The following TUBB8 variants were observed in gnomAD, a reference collection of about 807,000 sequenced individuals.
TUBB8 encodes the protein tubulin beta 8 class VIII, also known as tubulin beta-8 chain.
Under a neutral mutation model 33.7 loss-of-function variants are expected in TUBB8, and 25 were observed. The ratio of observed to expected loss-of-function variants is 0.74; its 90% CI spans 0.54 to 1.04. TUBB8 has a LOEUF of 1.04. TUBB8 is among the 50% of genes least tolerant of loss of function. The pLI is 0.00. For synonymous variants in TUBB8, 245 were observed against 240.1 expected, an observed-to-expected ratio of 1.02 and a Z score of -0.19; for missense variants, 279 against 608.0, an observed-to-expected ratio of 0.46 and a Z score of 5.69.
intron 1 of TUBB8, among the ~76,000 whole-genome samples, chr10:55,785 A>AT (rs1204034391): frequency 6.6e-6 from 1 of 152,272 alleles, no homozygotes; most frequent in Admixed American, 6.5e-5. Flanking sequence ...TTTGTTCAAA[A>AT]TAAGTTTAGT....
upstream of TUBB8, among the ~76,000 whole-genome samples, chr10:75,185 A>ATTT (rs111910470): frequency 1.4e-5 from 2 of 147,816 alleles, no homozygotes; most frequent in African/African-American, 5.0e-5. Context: ...GCCCAGCCAA[A>ATTT]TTTTTTTTTT....
chr10:68,734 A>C (rs2130950417), intron 1 of TUBB8, among the ~76,000 whole-genome samples: 1 of 152,334 alleles, frequency 6.6e-6, no homozygotes, highest in East Asian at 1.9e-4. Context: ...TTACCAAAGC[A>C]AAGACGGCCT....
At chr10:69,893 C>T (rs1390346552) in intron 1 of TUBB8, among the ~76,000 whole-genome samples, 1 of 152,330 alleles carries the variant, frequency 6.6e-6, no homozygotes, top group South Asian at 2.1e-4. Flanking sequence ...CCTAAAAACA[C>T]TCTCCTCCTG....
chr10:62,270 G>A (rs1270307327), intron 1 of TUBB8, among the ~76,000 whole-genome samples: 1 of 152,090 alleles, frequency 6.6e-6, no homozygotes, highest in Non-Finnish European at 1.5e-5. Context: ...TATGCTTTTT[G>A]ATTTAAAATT....
At chr10:63,355 C>T (rs566987733) in intron 1 of TUBB8, among the ~76,000 whole-genome samples, 19,382 of 120,254 alleles carry the variant, frequency 0.16, no homozygotes, top group African/African-American at 0.3. Context: ...GGATTACAGG[C>T]GTGAGCCACT....
chr10:58,987 A>AT (rs1834565851), intron 1 of TUBB8, among the ~76,000 whole-genome samples: 1 of 152,132 alleles, frequency 6.6e-6, no homozygotes, highest in African/African-American at 2.4e-5. Context: ...AAAAGTGGAT[A>AT]TTCTTGTCAT....
upstream of TUBB8, among the ~76,000 whole-genome samples, chr10:75,537 C>T (rs1316130831): frequency 6.7e-6 from 1 of 150,282 alleles, no homozygotes; most frequent in Non-Finnish European, 1.5e-5. Flanking sequence ...CGCCTGTAAT[C>T]GTAGCTACTC....
At chr10:51,679 G>A (rs527394750), upstream of TUBB8, among the ~76,000 whole-genome samples, 69 of 152,312 alleles carry the variant, frequency 4.5e-4, no homozygotes, top group African/African-American at 1.4e-3. Flanking sequence ...TTTAAGGGTT[G>A]TGTCTGGAGG....
intron 1 of TUBB8, among the ~76,000 whole-genome samples, chr10:63,218 T>C (rs12263702): frequency 0.1 from 11,023 of 109,284 alleles, no homozygotes; most frequent in African/African-American, 0.22. Context: ...GGACTACAGG[T>C]ACCCACCACC....
Position 47,317 on chromosome 10 carries a change from G to C in TUBB8, c.1075C>G (p.Arg359Gly). The change falls in exon 4 of 4, where the codon CGG becomes GGG. Residue 359 changes from arginine to glycine, a missense_variant. Physicochemically the swap from Arg to Gly is moderately radical, Grantham distance 125. This residue lies in a region of TUBB8 where 123 missense variants were observed against 228.9 expected (regional missense o/e 0.54). Transcript: ENST00000568584. Reference protein sequence around the residue: ...VKTAVCDIPPRGLKMSATFIG... With the variant: ...VKTAVCDIPPGGLKMSATFIG... Reference sequence around the variant, plus strand: ...AAGGTGGCTGACATTTTTAGCCCCCGGGGTGGGATGTCACAGACGGCTGTT... The same window carrying C: ...AAGGTGGCTGACATTTTTAGCCCCCCGGGTGGGATGTCACAGACGGCTGTT... The C allele has an allele frequency of 1.2e-6, 2 of 1,604,696 alleles. No individual in the cohort carries two copies. Among genetic ancestry groups the C allele is most frequent in the Non-Finnish European group, 1.7e-6 (2 of 1,178,734 alleles).
Position 46,929 on chromosome 10 carries a change from A to AT in TUBB8, c.*127dup. 1.7e-6 allele frequency: 1 copy of AT among 587,954 alleles called. No homozygotes were observed. The highest frequency in any genetic ancestry group is 3.0e-6 in the Non-Finnish European group (1 of 334,058). 36.4% of individuals were successfully genotyped at this position (587,954 alleles called of 1,614,324 possible). A position where few individuals can be genotyped will look rare whatever the true frequency, so the allele number is the denominator to read the frequency against. On this transcript the variant is annotated 3_prime_UTR_variant, in exon 4 of 4. Coordinates refer to ENST00000568584, the MANE Select transcript of TUBB8 (RefSeq NM_177987.3). The stretch of plus-strand genomic sequence containing the variant: ...ACTTTATTAGTCAAAACCGCATACT[A>AT]TAAAAATGCTTTAAAACGCAGCAGG...
At position 47,739 on chromosome 10, in the gene TUBB8, G is replaced by C. The variant is rs1554738346; in HGVS notation, c.653C>G (p.Pro218Arg). ...YDICSKTLKL[P>R]TPTYGDLNHL... ...GTTCAGGTCACCATAGGTGGGTGTG[G>C]GCAGTTTTAGGGTCTTGGAACATAT... The change falls in exon 4 of 4, where the codon CCC becomes CGC. Residue 218 changes from proline (P) to arginine (R), a missense_variant. Physicochemically the swap from Pro to Arg is moderately radical, Grantham distance 103 (BLOSUM62 -2). Transcript: ENST00000568584. The C allele has an allele frequency of 1.2e-6, 2 of 1,613,352 alleles. No homozygotes were observed. Among genetic ancestry groups the C allele is most frequent in the Admixed American group, 3.3e-5 (2 of 60,034 alleles).
chr10:57,865 G>C (rs1834552641), intron 1 of TUBB8, among the ~76,000 whole-genome samples: 1 of 151,884 alleles, frequency 6.6e-6, no homozygotes, highest in Non-Finnish European at 1.5e-5. Context: ...TCCACAGCCT[G>C]CTCAAGTTCC....
upstream of TUBB8, chr10:50,366 G>A (rs1425322888): frequency 2.6e-5 from 4 of 152,180 alleles, no homozygotes; most frequent in African/African-American, 9.7e-5. Flanking sequence ...AGCCCGAGGG[G>A]CCCTGGACTG....
upstream of TUBB8, among the ~76,000 whole-genome samples, chr10:75,590 G>A: frequency 6.7e-6 from 1 of 149,072 alleles, no homozygotes. Flanking sequence ...GGGAGGCGGA[G>A]GTTGCAGTGA....
At chr10:52,610 T>A (rs1311832036), upstream of TUBB8, among the ~76,000 whole-genome samples, 3 of 152,244 alleles carry the variant, frequency 2.0e-5, no homozygotes, top group African/African-American at 7.2e-5. Flanking sequence ...GCTATTCGTT[T>A]TAACAATGAC....
In TUBB8 at chr10:48,843, G is replaced by GC. The variant is rs1834414967; in HGVS notation, c.126dup (p.Gln43AlafsTer83). The GC allele has an allele frequency of 6.2e-7, 1 of 1,600,930 alleles. No individual in the cohort carries two copies. The highest frequency in any genetic ancestry group is 1.3e-5 in the African/African-American group (1 of 74,646). ...TAGTACACGTTGATGCGCTCCAGCT[G>GC]CAGGTGGCTGTCCCCGTGGTAGGTG... On this transcript the variant is annotated frameshift_variant, in exon 2 of 4. Coordinates refer to ENST00000568584, the MANE Select transcript of TUBB8 (RefSeq NM_177987.3). LOFTEE classifies it high-confidence loss of function.
Position 47,060 on chromosome 10 carries a change from G to A in TUBB8, c.1332C>T (p.Ala444=), listed in dbSNP as rs554363054. The A allele has an allele frequency of 3.8e-5, 41 of 1,066,534 alleles. No homozygotes were observed. In the African/African-American group the frequency reaches 5.7e-4, roughly 15 times the overall value. 66.1% of individuals were successfully genotyped at this position (1,066,534 alleles called of 1,614,324 possible). ...CTTTACCTAGAAAAGGAGAGTTCTA[G>A]GCCACCTCCTCCTCGGCATACTCCT... ...EDEEYAEEEV[A] The change falls in exon 4 of 4, where the codon GCC becomes GCT. Residue 444 remains alanine, a synonymous_variant. Transcript: ENST00000568584.
chr10:47,377 T>C lies in TUBB8; in HGVS notation c.1015A>G (p.Ser339Gly). The C allele has an allele frequency of 3.1e-6, 5 of 1,612,882 alleles. No homozygotes were observed. Among genetic ancestry groups the C allele is most frequent in the Non-Finnish European group, 4.2e-6 (5 of 1,179,942 alleles). Residue 339 changes from serine to glycine, a missense_variant, in exon 4 of 4, where the codon AGT (serine) becomes GGT (glycine). Coordinates refer to ENST00000568584, the MANE Select transcript of TUBB8 (RefSeq NM_177987.3). ...TTGGGGAGCCAGTCAGCAAAGTAAC[T>C]GCTGTTCTTATCTTGAATGTTGAAC... ...QMFNIQDKNS[S>G]YFADWLPNNV... is the part of the protein sequence containing the mutation.
Sources: allele counts gnomAD v4.1 joint callset (sites outside exome capture counted in the v4.1 genomes callset), GRCh38; gene constraint gnomAD v4.1.1; regional missense constraint gnomAD v4.1.1; transcripts MANE v1.5; gene names NCBI Gene and HGNC (gene_info 2026-07-23, HGNC 2026-07-21).